The following CHST11 variants were observed in gnomAD, a reference collection of about 807,000 sequenced individuals.
The protein encoded by CHST11 is C4S-1.
A neutral mutation model predicts 30.4 loss-of-function variants in CHST11; 9 were observed. That is an observed-to-expected ratio of 0.30 (90% CI 0.18 to 0.52). CHST11 has a LOEUF of 0.52. Among genes scored for constraint, CHST11 ranks in the 20% least tolerant of loss-of-function variants. The probability of loss-of-function intolerance (pLI) is 0.97; values close to 1 mark genes in which losing one functional copy is unlikely to be tolerated. For synonymous variants in CHST11, 152 were observed against 187.8 expected (o/e 0.81, Z 1.56); for missense variants, 348 against 460.6 (o/e 0.76, Z 2.24).
chr12:104,689,346 G>A (rs1256767421), intron 2 of CHST11, among the ~76,000 whole-genome samples: 1 of 152,226 alleles, frequency 6.6e-6, no homozygotes, highest in Non-Finnish European at 1.5e-5. Context: ...CCATGGCCAA[G>A]GATAGGCCCA....
intron 2 of CHST11, among the ~76,000 whole-genome samples, chr12:104,656,798 A>G (rs559458996): frequency 6.6e-6 from 1 of 152,028 alleles, no homozygotes; most frequent in South Asian, 2.1e-4. Flanking sequence ...GGAAGACCAA[A>G]TCCTTATTTT....
intron 2 of CHST11, among the ~76,000 whole-genome samples, chr12:104,732,371 G>A (rs1030583864): frequency 3.3e-5 from 5 of 152,176 alleles, no homozygotes; most frequent in Admixed American, 2.0e-4. Flanking sequence ...CAGGGTCCTG[G>A]CAGAAAAGCT....
At chr12:104,608,311 G>T (rs1314531028) in intron 2 of CHST11, among the ~76,000 whole-genome samples, 2 of 152,150 alleles carry the variant, frequency 1.3e-5, no homozygotes, top group Non-Finnish European at 2.9e-5. Context: ...CTATGTATCT[G>T]CCTTTCTTCA....
At chr12:104,678,176 A>G (rs2039760516) in intron 2 of CHST11, among the ~76,000 whole-genome samples, 1 of 152,304 alleles carries the variant, frequency 6.6e-6, no homozygotes, top group Non-Finnish European at 1.5e-5. Flanking sequence ...TTATTGCTGG[A>G]TATCTCTATT....
intron 1 of CHST11, among the ~76,000 whole-genome samples, chr12:104,562,332 G>T (rs1001372583): frequency 6.6e-6 from 1 of 152,138 alleles, no homozygotes; most frequent in African/African-American, 2.4e-5. Context: ...ATTTCGAAGG[G>T]ATTTAGACTT....
At chr12:104,700,769 GA>G (rs767072044) in intron 2 of CHST11, among the ~76,000 whole-genome samples, 1 of 152,150 alleles carries the variant, frequency 6.6e-6, no homozygotes, top group Non-Finnish European at 1.5e-5. Flanking sequence ...CTTTTTGGGA[GA>G]ATGGCATAAT....
chr12:104,738,171 G>C (rs1053868719), intron 2 of CHST11, among the ~76,000 whole-genome samples: 1 of 152,084 alleles, frequency 6.6e-6, no homozygotes, highest in East Asian at 1.9e-4. Context: ...CAGACCCCGC[G>C]GGCTCATCCT....
intron 2 of CHST11, among the ~76,000 whole-genome samples, chr12:104,712,677 G>T (rs529919765): frequency 6.6e-6 from 1 of 152,228 alleles, no homozygotes; most frequent in East Asian, 1.9e-4. Context: ...ATCCTGGTCG[G>T]CCAGAGCCTC....
At chr12:104,585,396 G>C (rs2038794034) in intron 1 of CHST11, among the ~76,000 whole-genome samples, 1 of 152,174 alleles carries the variant, frequency 6.6e-6, no homozygotes, top group Non-Finnish European at 1.5e-5. Context: ...GTGAGATTTG[G>C]GTTGGAATAG....
chr12:104,683,778 CATCTACCA>C (rs2039819751), intron 2 of CHST11, among the ~76,000 whole-genome samples: 2 of 152,160 alleles, frequency 1.3e-5, no homozygotes, highest in African/African-American at 4.8e-5. Context: ...ATGCCAAGAA[CATCTACCA>C]GGATGAATGA....
intron 2 of CHST11, among the ~76,000 whole-genome samples, chr12:104,604,930 G>GT (rs955024861): frequency 2.4e-4 from 37 of 152,070 alleles, no homozygotes; most frequent in African/African-American, 8.2e-4. Flanking sequence ...TCTAATCCTT[G>GT]TAATAATAAG....
At chr12:104,620,396 A>T (rs1051321122) in intron 2 of CHST11, among the ~76,000 whole-genome samples, 1 of 152,238 alleles carries the variant, frequency 6.6e-6, no homozygotes, top group Non-Finnish European at 1.5e-5. Context: ...ATTCACGGTC[A>T]TGGGGGAAAG....
At position 104,576,735 on chromosome 12, in the gene CHST11, G is replaced by A. The variant is rs143590383; in HGVS notation, c.119-25171G>A. Among the ~76,000 whole-genome samples the A allele has an allele frequency of 3.1e-3, 476 of 152,178 alleles. 2 individuals are homozygous for A. Among genetic ancestry groups the A allele is most frequent in the African/African-American group, 0.011 (450 of 41,510 alleles). On this transcript the variant is annotated intron_variant, in intron 1 of 2. Coordinates refer to ENST00000303694, the MANE Select transcript of CHST11 (RefSeq NM_018413.6). ...ATTCCCAAATCCTTAAAAATCACCT[G>A]GAATGTGTTTAAAAGGGCAGATTTC...
In CHST11 at chr12:104,612,039, C is replaced by G. The variant is rs189156586; in HGVS notation, c.204+10048C>G. On this transcript the variant is annotated intron_variant, in intron 2 of 2. Coordinates refer to ENST00000303694, the MANE Select transcript of CHST11 (RefSeq NM_018413.6). ...CTCAGCCCTGTTTCTCAATTCCTTCCGCTCCTACCTCCTTTCCTCCTTCTT... is the reference window on the plus strand; with the variant it reads ...CTCAGCCCTGTTTCTCAATTCCTTCGGCTCCTACCTCCTTTCCTCCTTCTT... 2.0e-5 allele frequency among the ~76,000 whole-genome samples: 3 copies of G among 152,324 alleles called. No homozygotes were observed. The South Asian group carries it at 6.2e-4, about 32-fold the overall frequency.
chr12:104,583,510 C>T (rs568953059), intron 1 of CHST11, among the ~76,000 whole-genome samples: 10 of 152,290 alleles, frequency 6.6e-5, no homozygotes, highest in Non-Finnish European at 1.5e-4. Context: ...CACAGCCTAG[C>T]CTCCCCCAAA....
At chr12:104,691,583 G>A (rs1378699798) in intron 2 of CHST11, among the ~76,000 whole-genome samples, 1 of 151,548 alleles carries the variant, frequency 6.6e-6, no homozygotes, top group African/African-American at 2.4e-5. Flanking sequence ...CAACTCCCTG[G>A]TTCAAGCGAT....
At chr12:104,564,351 AAATCTGTGTTGGACG>A (rs2038540951) in intron 1 of CHST11, among the ~76,000 whole-genome samples, 1 of 152,214 alleles carries the variant, frequency 6.6e-6, no homozygotes, top group Non-Finnish European at 1.5e-5. Flanking sequence ...CATGTGGAAT[AAATCTGTGTTGGACG>A]AATGACAATT....
At chr12:104,615,741 A>G (rs2039102339) in intron 2 of CHST11, among the ~76,000 whole-genome samples, 2 of 152,296 alleles carry the variant, frequency 1.3e-5, no homozygotes, top group South Asian at 4.2e-4. Context: ...AGTCTGGCCA[A>G]CATGGTGGAA....
chr12:104,462,028 G>A (rs1424666668), intron 1 of CHST11, among the ~76,000 whole-genome samples: 5 of 151,524 alleles, frequency 3.3e-5, no homozygotes, highest in South Asian at 2.1e-4. Flanking sequence ...TTAGCCGGGC[G>A]TGGTGGTGCA....
Sources: allele counts gnomAD v4.1 joint callset (sites outside exome capture counted in the v4.1 genomes callset), GRCh38; gene constraint gnomAD v4.1.1; transcripts MANE v1.5; gene names NCBI Gene and HGNC (gene_info 2026-07-23, HGNC 2026-07-21).